Variants in ZNF454 observed in about 807,000 individuals in gnomAD.
The protein encoded by ZNF454 is zinc finger protein 454.
In ZNF454, 30 loss-of-function variants were observed where a neutral mutation model predicts 48.2. The observed-to-expected ratio is 0.62, with a 90% confidence interval of 0.47 to 0.84. The LOEUF (loss-of-function observed/expected upper bound fraction) is 0.84. ZNF454 is among the 40% of genes least tolerant of loss of function. The pLI, the probability that ZNF454 is intolerant of heterozygous loss-of-function variation, is 0.00. For synonymous variants in ZNF454, 204 were observed against 211.4 expected (o/e 0.97, Z 0.30); for missense variants, 510 against 623.1 (o/e 0.82, Z 1.93).
chr5:178,986,561 T>G, the ZNF454 span: 1 of 1,607,878 alleles, frequency 6.2e-7, no homozygotes, highest in South Asian at 1.1e-5. Context: ...TGGTTGGGCG[T>G]GGGCCTCATG....
downstream of ZNF454, chr5:178,969,327 C>A: frequency 2.5e-6 from 1 of 396,286 alleles, no homozygotes; most frequent in Non-Finnish European, 5.1e-6. Context: ...TCTTCTCTAC[C>A]AGCTGATCTG....
rs1272833969 is a variant in ZNF454 at position 178,942,825 on chromosome 5, G to T, written c.33+1G>T. 6.2e-7 allele frequency: 1 copy of T among 1,612,392 alleles called. No homozygotes were observed. The highest frequency in any genetic ancestry group is 1.3e-5 in the African/African-American group (1 of 74,858). On this transcript the variant is annotated splice_donor_variant, in intron 2 of 4. Transcript: ENST00000519564. LOFTEE classifies it high-confidence loss of function. ...CAGCCACCTGCCAACCATGGTCCAG[G>T]TGAGTGGGGGTTTCTTCCCCCTAAA...
chr5:178,989,176 T>A, the ZNF454 span: 1 of 1,600,398 alleles, frequency 6.2e-7, no homozygotes, highest in Non-Finnish European at 8.5e-7. Flanking sequence ...CCGGCCCCCA[T>A]GCACCGAACC....
intron 2 of ZNF454, among the ~76,000 whole-genome samples, chr5:178,943,642 T>C (rs13184447): frequency 0.99 from 150,317 of 152,320 alleles, 74,208 homozygotes; most frequent in East Asian, 1. Context: ...TGACATTTGG[T>C]TTTTTTACCA....
the ZNF454 span, among the ~76,000 whole-genome samples, chr5:178,984,971 C>T: frequency 2.2e-4 from 33 of 152,204 alleles, no homozygotes; most frequent in Middle Eastern, 6.8e-3. Flanking sequence ...ACATCCAGGG[C>T]GCCCCAGACT....
intron 4 of ZNF454, among the ~76,000 whole-genome samples, chr5:178,953,929 G>A (rs2113226957): frequency 6.6e-6 from 1 of 152,232 alleles, no homozygotes. Context: ...GCATTGGTGA[G>A]CCTTTGGCTG....
intron 2 of ZNF454, among the ~76,000 whole-genome samples, chr5:178,943,602 G>C (rs57438229): frequency 0.073 from 11,117 of 152,222 alleles, 525 homozygotes; most frequent in Non-Finnish European, 0.1. Context: ...TTTCTGGGGA[G>C]GTGTGATTTA....
At chr5:178,985,791 T>C in the ZNF454 span, 3 of 509,130 alleles carry the variant, frequency 5.9e-6, no homozygotes, top group African/African-American at 5.8e-5. Context: ...AGACAGGGTC[T>C]TACTCTGACA....
At chr5:178,976,076 G>A in the ZNF454 span, 11 of 447,608 alleles carry the variant, frequency 2.5e-5, no homozygotes, top group East Asian at 7.1e-5. Context: ...ACACCAGGCC[G>A]ACCCCTGCCC....
At chr5:178,970,625 C>A (rs1760222177), downstream of ZNF454, among the ~76,000 whole-genome samples, 2 of 152,106 alleles carry the variant, frequency 1.3e-5, no homozygotes, top group South Asian at 4.2e-4. Context: ...CCACGCCCGG[C>A]TAATTTTTGT....
chr5:178,967,873 A>G (rs1760189037), downstream of ZNF454, among the ~76,000 whole-genome samples: 1 of 150,846 alleles, frequency 6.6e-6, no homozygotes, highest in Admixed American at 6.6e-5. Context: ...CCGAGTAGCT[A>G]GGTCTACAGG....
At chr5:178,945,414 G>T (rs868061735) in intron 2 of ZNF454, among the ~76,000 whole-genome samples, 2 of 149,560 alleles carry the variant, frequency 1.3e-5, no homozygotes, top group Admixed American at 1.3e-4. Flanking sequence ...TGAGGGGTAC[G>T]GATATGGGTG....
the ZNF454 span, chr5:178,983,478 G>T: frequency 1.5e-6 from 1 of 673,870 alleles, no homozygotes; most frequent in Non-Finnish European, 2.7e-6. Flanking sequence ...GCCCGTATAT[G>T]TTGGCAACAT....
the ZNF454 span, among the ~76,000 whole-genome samples, chr5:178,984,941 T>C: frequency 8.9e-4 from 135 of 152,244 alleles, 2 homozygotes; most frequent in African/African-American, 3.1e-3. Context: ...CATCTGTCTC[T>C]CGTACTCTTC....
downstream of ZNF454, among the ~76,000 whole-genome samples, chr5:178,967,349 C>G (rs1434263669): frequency 2.0e-5 from 3 of 152,226 alleles, no homozygotes; most frequent in Non-Finnish European, 2.9e-5. Context: ...CTGACCCACT[C>G]TCTTCCCCTG....
At chr5:178,966,828 A>G (rs534913079), downstream of ZNF454, among the ~76,000 whole-genome samples, 1 of 152,074 alleles carries the variant, frequency 6.6e-6, no homozygotes, top group Non-Finnish European at 1.5e-5. Flanking sequence ...ATCCATTGTC[A>G]GATCTCTCTG....
At chr5:178,977,575 T>C in the ZNF454 span, 1 of 201,156 alleles carries the variant, frequency 5.0e-6, no homozygotes, top group South Asian at 6.4e-5. Flanking sequence ...CAGTCTTCTT[T>C]TTTTTTTTTT....
chr5:178,970,672 G>C (rs535563066), downstream of ZNF454, among the ~76,000 whole-genome samples: 22 of 152,218 alleles, frequency 1.4e-4, no homozygotes, highest in East Asian at 3.9e-3. Context: ...ATGTTGGTCA[G>C]GCTGGTCTTG....
In ZNF454 at chr5:178,944,968, GT is replaced by G. The variant is rs1759252108; in HGVS notation, c.34-1390del. Among the ~76,000 whole-genome samples, 1 of 151,932 alleles carries G rather than the reference GT, an allele frequency of 6.6e-6. No homozygotes were observed. The highest frequency in any genetic ancestry group is 2.4e-5 in the African/African-American group (1 of 41,350). ...AATCAGAAGGAACAAGTTTCCTATTGTGCAGAATGACTGGTTCCATGGGACC... is the reference window on the plus strand; with the variant it reads ...AATCAGAAGGAACAAGTTTCCTATTGGCAGAATGACTGGTTCCATGGGACC... On this transcript the variant is annotated intron_variant, in intron 2 of 4. Coordinates refer to ENST00000519564, the MANE Select transcript of ZNF454 (RefSeq NM_001178089.3). The surrounding 1 kb of genome is among the most constrained non-coding windows in gnomAD (Gnocchi z 4.1).
Sources: gnomAD v4.1 joint callset for allele counts (sites outside exome capture counted in the v4.1 genomes callset) on GRCh38, gnomAD v4.1.1 for gene constraint, Gnocchi (gnomAD v3.1) non-coding constraint, MANE v1.5 for transcripts, NCBI Gene and HGNC (gene_info 2026-07-23, HGNC 2026-07-21) for gene names.